ATPSCKMT: variants seen among roughly 807,000 people sequenced by gnomAD.
ATPSCKMT encodes ATP synthase c subunit lysine N-methyltransferase, also known as ATP synthase subunit C lysine N-methyltransferase.
In ATPSCKMT, 24 loss-of-function variants were observed where a neutral mutation model predicts 24.3. The ratio of observed to expected loss-of-function variants is 0.99; its 90% confidence interval spans 0.71 to 1.39. The LOEUF is 1.39. Among genes scored for constraint, ATPSCKMT ranks in the 40% most tolerant of loss-of-function variants. The pLI, the probability that ATPSCKMT is intolerant of heterozygous loss-of-function variation, is 0.00. For synonymous variants in ATPSCKMT, 95 were observed against 110.5 expected, an observed-to-expected ratio of 0.86 and a Z score of 0.88; for missense variants, 311 against 298.4, an observed-to-expected ratio of 1.04 and a Z score of -0.31.
chr5:10,235,354 T>C, intron 3 of ATPSCKMT, 93 bp from the exon 4 acceptor site: 1 of 1,129,496 alleles, frequency 8.9e-7, no homozygotes, highest in East Asian at 2.5e-5. Flanking sequence ...CAGTTTTCCA[T>C]TTTACCAAAC....
At position 10,239,265 on chromosome 5, in the gene ATPSCKMT, C is replaced by T. The variant is rs763657110; in HGVS notation, c.108G>A (p.Trp36Ter). The T allele has an allele frequency of 1.2e-6, 2 of 1,614,190 alleles. No homozygotes were observed. The highest frequency in any genetic ancestry group is 1.7e-5 in the Admixed American group (1 of 60,028). The change falls in exon 2 of 5, where the codon TGG becomes TGA. Residue 36 changes from tryptophan (W) to a stop codon, truncating the protein, a stop_gained. Coordinates refer to ENST00000511437, the MANE Select transcript of ATPSCKMT (RefSeq NM_199133.4). LOFTEE classifies it high-confidence loss of function. ...CCACAAGCCCAGTAAGTAAGAACCCCCAGTTGCTTTTCTGCAAACTGTTGA... is the reference window on the plus strand; with the variant it reads ...CCACAAGCCCAGTAAGTAAGAACCCTCAGTTGCTTTTCTGCAAACTGTTGA... ...FEVNSLQKSN[W>*]GFLLTGLVGG...
chr5:10,244,919 AAAAAAG>A (rs1229868336), intron 1 of ATPSCKMT, among the ~76,000 whole-genome samples: 13 of 151,994 alleles, frequency 8.6e-5, no homozygotes, highest in Non-Finnish European at 1.5e-4. Context: ...CAAAAAAAAA[AAAAAAG>A]AAAAGTCAAG....
chr5:10,228,905 C>T (rs1049292361), intron 4 of ATPSCKMT, among the ~76,000 whole-genome samples: 32 of 152,308 alleles, frequency 2.1e-4, no homozygotes, highest in African/African-American at 6.5e-4. Flanking sequence ...GTTGGGACTA[C>T]AGGCGTGAGC....
In ATPSCKMT at chr5:10,227,022, A is replaced by G. The variant is rs958248347; in HGVS notation, c.*419T>C. On this transcript the variant is annotated 3_prime_UTR_variant, in exon 5 of 5. Coordinates refer to ENST00000511437, the MANE Select transcript of ATPSCKMT (RefSeq NM_199133.4). The stretch of plus-strand genomic sequence containing the variant: ...ATTAATTTTGCCATGAAGTACAAAA[A>G]GGAAAGAGATACAACTTAAGTATGA... 5 of 161,508 alleles carry G rather than the reference A, an allele frequency of 3.1e-5. No homozygotes were observed. The highest frequency in any genetic ancestry group is 1.2e-4 in the African/African-American group (5 of 41,544). The allele number at this position is 161,508 out of a possible 1,614,324, so 10.0% of individuals were successfully genotyped here. A position where few individuals can be genotyped will look rare whatever the true frequency, so the allele number is the denominator to read the frequency against.
chr5:10,249,716 C>T, intron 1 of ATPSCKMT, 142 bp downstream of exon 1: 1 of 1,339,494 alleles, frequency 7.5e-7, no homozygotes, highest in Non-Finnish European at 1.0e-6. Flanking sequence ...CTCTGGTCAC[C>T]GAAGGCCAGG....
At chr5:10,236,985 G>C (rs1179723718) in intron 2 of ATPSCKMT, 5 of 1,311,596 alleles carry the variant, frequency 3.8e-6, no homozygotes, top group East Asian at 5.2e-5. Flanking sequence ...GCAGTGAAAT[G>C]AAAGTGTCTG....
chr5:10,227,714 G>GT lies in ATPSCKMT; in HGVS notation c.496-68dup. On this transcript the variant is annotated intron_variant, in intron 4 of 4. Transcript: ENST00000511437. ...AGAGGAAATGATCCCAAAATTTCCT[G>GT]TTTTTAAGAGTCCCTGAAAATACCT... 2.8e-6 allele frequency: 3 copies of GT among 1,090,000 alleles called. No homozygotes were observed. In the Admixed American group the frequency reaches 6.9e-5, roughly 25 times the overall value. The allele number at this position is 1,090,000 out of a possible 1,614,324, so 67.5% of individuals were successfully genotyped here.
intron 4 of ATPSCKMT, among the ~76,000 whole-genome samples, chr5:10,233,375 G>A (rs751883233): frequency 3.3e-5 from 5 of 152,024 alleles, no homozygotes; most frequent in Non-Finnish European, 5.9e-5. Flanking sequence ...ACCCCTGACC[G>A]ACCCACCAGC....
intron 1 of ATPSCKMT, among the ~76,000 whole-genome samples, chr5:10,246,471 A>C (rs868724379): frequency 6.6e-6 from 1 of 151,806 alleles, no homozygotes; most frequent in African/African-American, 2.4e-5. Flanking sequence ...AAAAAAAAAA[A>C]AGAATCCCCT....
intron 2 of ATPSCKMT, among the ~76,000 whole-genome samples, chr5:10,237,669 G>C (rs34909370): frequency 6.6e-6 from 1 of 152,162 alleles, no homozygotes; most frequent in East Asian, 1.9e-4. Flanking sequence ...GTGTAAAACC[G>C]TAAGTCTAAT....
At chr5:10,244,422 G>A (rs1744791249) in intron 1 of ATPSCKMT, 1 of 152,198 alleles carries the variant, frequency 6.6e-6, no homozygotes, top group Non-Finnish European at 1.5e-5. Flanking sequence ...AATGGGGCAT[G>A]TTGGTTCATA....
Position 10,227,670 on chromosome 5 carries a change from T to C in ATPSCKMT, c.496-23A>G, listed in dbSNP as rs760653592. ...CATCTGTGGAGAGTAACAGCTATTA[T>C]TTTAGTGAGCAGTGAGTCAGAGGAA... On this transcript the variant is annotated intron_variant, in intron 4 of 4. Transcript: ENST00000511437. The C allele has an allele frequency of 1.9e-6, 3 of 1,611,198 alleles. No homozygotes were observed. In the South Asian group the frequency reaches 3.3e-5, roughly 18 times the overall value.
chr5:10,234,479 A>C (rs1328795580), intron 4 of ATPSCKMT, among the ~76,000 whole-genome samples: 1 of 152,268 alleles, frequency 6.6e-6, no homozygotes, highest in Non-Finnish European at 1.5e-5. Flanking sequence ...AAAAAACAAA[A>C]TAAAAAAAGG....
intron 1 of ATPSCKMT, among the ~76,000 whole-genome samples, chr5:10,247,619 C>A (rs1744993603): frequency 6.6e-6 from 1 of 152,188 alleles, no homozygotes; most frequent in Non-Finnish European, 1.5e-5. Context: ...TGCCTCCATG[C>A]CAGGACCTGT....
rs757539527 is a variant in ATPSCKMT, at chr5:10,225,564, C to T, written c.*1877G>A. ...AGTTCCATGTGGCTGGAATATCTTACGTGAATGGTAGTAGGCAAAAAGAGC... is the reference window on the plus strand; with the variant it reads ...AGTTCCATGTGGCTGGAATATCTTATGTGAATGGTAGTAGGCAAAAAGAGC... On this transcript the variant is annotated 3_prime_UTR_variant, in exon 5 of 5. Coordinates refer to ENST00000511437, the MANE Select transcript of ATPSCKMT (RefSeq NM_199133.4). Among the ~76,000 whole-genome samples the T allele has an allele frequency of 6.6e-6, 1 of 152,132 alleles. No homozygotes were observed. The highest frequency in any genetic ancestry group is 2.4e-5 in the African/African-American group (1 of 41,428).
intron 1 of ATPSCKMT, among the ~76,000 whole-genome samples, chr5:10,240,794 G>C (rs993667317): frequency 2.6e-5 from 4 of 152,182 alleles, no homozygotes; most frequent in Admixed American, 2.6e-4. Context: ...TTGAGAGTTT[G>C]AGACCAGCCT....
intron 1 of ATPSCKMT, among the ~76,000 whole-genome samples, chr5:10,248,736 T>C (rs977817028): frequency 6.6e-6 from 1 of 152,252 alleles, no homozygotes; most frequent in Non-Finnish European, 1.5e-5. Context: ...AATGTTATAG[T>C]GCATGTATTC....
rs1175446434 is a variant in ATPSCKMT, at chr5:10,249,849, C to A, written c.16+9G>T. 6 of 1,564,266 alleles carry A rather than the reference C, an allele frequency of 3.8e-6. No individual in the cohort carries two copies. The highest frequency in any genetic ancestry group is 5.2e-6 in the Non-Finnish European group (6 of 1,160,508). ...CCCCCAGGAACCCGCCAAGCCGCTC[C>A]AGCCTCACCTCCTCCTCCCTCCATC... On this transcript the variant is annotated intron_variant, in intron 1 of 4. Coordinates refer to ENST00000511437, the MANE Select transcript of ATPSCKMT (RefSeq NM_199133.4).
rs1745093402 is a variant in ATPSCKMT, at chr5:10,248,761, T to C, written c.16+1097A>G. Among the ~76,000 whole-genome samples, 4 of 152,252 alleles carry C rather than the reference T, an allele frequency of 2.6e-5. No homozygotes were observed. The South Asian group carries it at 8.3e-4, about 32-fold the overall frequency. ...TGCATGTATTCATTTCAGCACTTAT[T>C]GAGTGCCTAATAAAGTCTGGGAATA... On this transcript the variant is annotated intron_variant, in intron 1 of 4. Coordinates refer to ENST00000511437, the MANE Select transcript of ATPSCKMT (RefSeq NM_199133.4).
Sources: gnomAD v4.1 joint callset for allele counts (sites outside exome capture counted in the v4.1 genomes callset) on GRCh38, gnomAD v4.1.1 for gene constraint, MANE v1.5 for transcripts, NCBI Gene and HGNC (gene_info 2026-07-23, HGNC 2026-07-21) for gene names.